The following BNC2 variants were observed in gnomAD, a reference collection of about 807,000 sequenced individuals.
The protein encoded by BNC2 is zinc finger protein basonuclin-2.
In BNC2, 20 loss-of-function variants were observed where a neutral mutation model predicts 76.3. The observed-to-expected ratio is 0.26, with a 90% confidence interval of 0.18 to 0.38. BNC2 has a LOEUF of 0.38. Among genes scored for constraint, BNC2 ranks in the 10% least tolerant of loss-of-function variants. The pLI is 1.00. For missense variants in BNC2, 1,382 were observed against 1,399.8 expected, an observed-to-expected ratio of 0.99 and a Z score of 0.20; for synonymous variants, 582 against 514.8, an observed-to-expected ratio of 1.13 and a Z score of -1.77.
intron 1 of BNC2, among the ~76,000 whole-genome samples, chr9:16,752,803 C>T (rs1363387613): frequency 2.0e-5 from 3 of 152,134 alleles, no homozygotes; most frequent in Middle Eastern, 3.4e-3. Context: ...TGTGAGCTGG[C>T]ACAGCCAATG....
intron 1 of BNC2, among the ~76,000 whole-genome samples, chr9:16,768,614 G>T (rs1423620177): frequency 6.6e-6 from 1 of 151,972 alleles, no homozygotes; most frequent in Non-Finnish European, 1.5e-5. Flanking sequence ...AGAGAATGAG[G>T]GGGGTGGAAT....
rs548855225 is a variant in BNC2 at position 16,514,763 on chromosome 9, T to C, written c.669+37767A>G. ...AACTGTTGTTAGCAAGGGATCCACG[T>C]CTCGATGATGACAGAATTGAAAAAC... On this transcript the variant is annotated intron_variant, in intron 5 of 6. Coordinates refer to ENST00000380672, the MANE Select transcript of BNC2 (RefSeq NM_017637.6). 7.9e-5 allele frequency among the ~76,000 whole-genome samples: 12 copies of C among 152,280 alleles called. No homozygotes were observed. The South Asian group carries it at 2.5e-3, about 32-fold the overall frequency.
chr9:16,419,715 G>A (rs957607292), intron 6 of BNC2, 66 bp from the exon 7 acceptor site: 1 of 940,378 alleles, frequency 1.1e-6, no homozygotes, highest in South Asian at 1.3e-5. Flanking sequence ...AAAAAGGAAA[G>A]CATTTTAAAA....
chr9:16,617,946 T>C (rs574026867), intron 3 of BNC2, among the ~76,000 whole-genome samples: 1 of 152,330 alleles, frequency 6.6e-6, no homozygotes, highest in East Asian at 1.9e-4. Context: ...CCACAGTCCA[T>C]GTTCTCTGCC....
chr9:16,410,585 A>C lies in BNC2; in HGVS notation c.*8404T>G, dbSNP rs1820438895. 6.5e-6 allele frequency: 1 copy of C among 152,678 alleles called. No homozygotes were observed. The highest frequency in any genetic ancestry group is 6.5e-5 in the Admixed American group (1 of 15,292). The allele number at this position is 152,678 out of a possible 1,614,324, so 9.5% of individuals were successfully genotyped here. On this transcript the variant is annotated 3_prime_UTR_variant, in exon 7 of 7. Coordinates refer to ENST00000380672, the MANE Select transcript of BNC2 (RefSeq NM_017637.6). Reference sequence around the variant, plus strand: ...GATAGTCTTATCAGGTTAAGATATAATACTAGAACATCTCATTCACTTAAT... The same window carrying C: ...GATAGTCTTATCAGGTTAAGATATACTACTAGAACATCTCATTCACTTAAT...
At chr9:16,461,073 T>A (rs147730372) in intron 5 of BNC2, among the ~76,000 whole-genome samples, 1 of 152,164 alleles carries the variant, frequency 6.6e-6, no homozygotes, top group African/African-American at 2.4e-5. Context: ...TTTTAATTAC[T>A]AGAAAAACTA....
intron 5 of BNC2, among the ~76,000 whole-genome samples, chr9:16,480,951 G>A (rs1290606875): frequency 6.6e-6 from 1 of 152,214 alleles, no homozygotes; most frequent in Non-Finnish European, 1.5e-5. Flanking sequence ...GGATCCACTG[G>A]GTGAAGCCAG....
intron 5 of BNC2, among the ~76,000 whole-genome samples, chr9:16,529,409 T>C (rs1436806173): frequency 1.3e-5 from 2 of 152,220 alleles, no homozygotes; most frequent in African/African-American, 2.4e-5. Context: ...GGAGAAGTGT[T>C]ATCTCTACAA....
chr9:16,484,938 C>G (rs776885831), intron 5 of BNC2, among the ~76,000 whole-genome samples: 3 of 152,186 alleles, frequency 2.0e-5, no homozygotes, highest in Non-Finnish European at 4.4e-5. Context: ...TTCAGGCAAC[C>G]TGGTATCAGG....
rs139922371 is a variant in BNC2 at position 16,861,349 on chromosome 9, C to A, written c.3+9297G>T. ...AACCTGCACAACAGAACTAGAAAGA[C>A]CCTGTCTCTTTAAAAATAAATAAAT... On this transcript the variant is annotated intron_variant, in intron 1 of 6. Coordinates refer to ENST00000380672, the MANE Select transcript of BNC2 (RefSeq NM_017637.6). Among the ~76,000 whole-genome samples the A allele has an allele frequency of 5.3e-3, 804 of 151,750 alleles. 10 individuals are homozygous for A. The highest frequency in any genetic ancestry group is 0.018 in the African/African-American group (733 of 41,268).
rs184576243 is a variant in BNC2 at position 16,843,106 on chromosome 9, T to A, written c.3+27540A>T. On this transcript the variant is annotated intron_variant, in intron 1 of 6. Transcript: ENST00000380672. Reference sequence around the variant, plus strand: ...TTGAGGGTAAATCTTATCTGTTTTTTACTATAATTAAAAATAGATTTGATA... The same window carrying A: ...TTGAGGGTAAATCTTATCTGTTTTTAACTATAATTAAAAATAGATTTGATA... Among the ~76,000 whole-genome samples, 754 of 152,336 alleles carry A rather than the reference T, an allele frequency of 4.9e-3. 6 individuals are homozygous for A. Among genetic ancestry groups the A allele is most frequent in the Middle Eastern group, 0.031 (9 of 294 alleles).
intron 3 of BNC2, among the ~76,000 whole-genome samples, chr9:16,648,539 T>C (rs1348526438): frequency 2.0e-5 from 3 of 152,286 alleles, no homozygotes; most frequent in Middle Eastern, 3.4e-3. Context: ...CTGGGAGAGG[T>C]GTCACAAGAC....
chr9:16,577,393 G>A (rs947512419), intron 4 of BNC2, among the ~76,000 whole-genome samples: 14 of 151,964 alleles, frequency 9.2e-5, no homozygotes, highest in African/African-American at 2.7e-4. Context: ...TGAAATTAAT[G>A]GGTTATATGC....
chr9:16,498,835 TATTGTCCA>T (rs1258376512), intron 5 of BNC2, among the ~76,000 whole-genome samples: 1 of 152,148 alleles, frequency 6.6e-6, no homozygotes, highest in Non-Finnish European at 1.5e-5. Context: ...TTCTAAATCC[TATTGTCCA>T]ATTCTCAGTG....
At chr9:16,599,930 T>C (rs1178721274) in intron 3 of BNC2, among the ~76,000 whole-genome samples, 1 of 152,238 alleles carries the variant, frequency 6.6e-6, no homozygotes, top group East Asian at 1.9e-4. Context: ...TATTATCGGA[T>C]GACCAAATAC....
At chr9:16,435,533 C>T in intron 6 of BNC2, 22 bp downstream of exon 6, 2 of 1,612,848 alleles carry the variant, frequency 1.2e-6, no homozygotes, top group Non-Finnish European at 1.7e-6. Flanking sequence ...CCAGCAGGAG[C>T]AGCCAATGGA....
chr9:16,723,244 T>C (rs1038705264), intron 3 of BNC2, among the ~76,000 whole-genome samples: 40 of 152,100 alleles, frequency 2.6e-4, no homozygotes, highest in African/African-American at 4.8e-4. Context: ...AAGCTAGGGA[T>C]GGATGATGCC....
In BNC2 at chr9:16,552,803, T is replaced by A. The variant is rs565236022; in HGVS notation, c.434-38A>T. 11 of 1,523,212 alleles carry A rather than the reference T, an allele frequency of 7.2e-6. No homozygotes were observed. The South Asian group carries it at 1.1e-4, about 16-fold the overall frequency. 94.4% of individuals were successfully genotyped at this position (1,523,212 alleles called of 1,614,324 possible). A position where few individuals can be genotyped will look rare whatever the true frequency, so the allele number is the denominator to read the frequency against. The stretch of plus-strand genomic sequence containing the variant: ...CGCCAAAGTTCCAGAGATGGGGGTG[T>A]TGGGAATAAGATAAAGAGAGAGAAC... On this transcript the variant is annotated intron_variant, in intron 4 of 6. Coordinates refer to ENST00000380672, the MANE Select transcript of BNC2 (RefSeq NM_017637.6).
chr9:16,721,728 A>G (rs979527063), intron 3 of BNC2, among the ~76,000 whole-genome samples: 5 of 152,196 alleles, frequency 3.3e-5, no homozygotes, highest in African/African-American at 7.2e-5. Context: ...GGAATCCCAC[A>G]GAAAATTTCT....
Sources: allele counts gnomAD v4.1 joint callset (sites outside exome capture counted in the v4.1 genomes callset), GRCh38; gene constraint gnomAD v4.1.1; transcripts MANE v1.5; gene names NCBI Gene and HGNC (gene_info 2026-07-23, HGNC 2026-07-21).